DSCAM: variants seen among roughly 807,000 people sequenced by gnomAD.
DSCAM encodes cell adhesion molecule DSCAM.
In DSCAM, 47 loss-of-function variants were observed where a neutral mutation model predicts 217.7. The ratio of observed to expected loss-of-function variants is 0.22; its 90% CI spans 0.17 to 0.28. DSCAM has a LOEUF of 0.28. Ranked by LOEUF, DSCAM falls within the 10% of genes least tolerant of loss-of-function variation. The pLI is 1.00. For missense variants in DSCAM, 2,080 were observed against 2,618.3 expected (o/e 0.79, Z 4.49); for synonymous variants, 1,056 against 1,015.3 (o/e 1.04, Z -0.76).
chr21:40,279,248 T>C (rs955345192), intron 10 of DSCAM, among the ~76,000 whole-genome samples: 3 of 152,198 alleles, frequency 2.0e-5, no homozygotes, highest in African/African-American at 7.2e-5. Flanking sequence ...CTAAATCTGC[T>C]CCCTCCTTGG....
intron 10 of DSCAM, among the ~76,000 whole-genome samples, chr21:40,290,169 C>T (rs1458447422): frequency 6.6e-6 from 1 of 151,798 alleles, no homozygotes; most frequent in African/African-American, 2.4e-5. Context: ...AATCAGAGAC[C>T]CTGAAGAAGA....
intron 1 of DSCAM, among the ~76,000 whole-genome samples, chr21:40,741,867 C>G (rs575597250): frequency 5.9e-5 from 9 of 152,284 alleles, no homozygotes; most frequent in Admixed American, 5.2e-4. Flanking sequence ...CTTGTATTGA[C>G]TATTCCTATA....
rs1295232640 is a variant in DSCAM at position 40,013,026 on chromosome 21, GCTGT to G, written c.*4_*7del. On this transcript the variant is annotated 3_prime_UTR_variant, in exon 33 of 33. Transcript: ENST00000400454. ...GTATTTACAACCGCTGTCCAGTCATGCTGTCTGTTATACCAGGGTGTAAGATTTT... is the reference window on the plus strand; with the variant it reads ...GTATTTACAACCGCTGTCCAGTCATGCTGTTATACCAGGGTGTAAGATTTT... 6.9e-7 allele frequency: 1 copy of G among 1,439,616 alleles called. No homozygotes were observed. Among genetic ancestry groups the G allele is most frequent in the Non-Finnish European group, 9.2e-7 (1 of 1,091,916 alleles). The allele number at this position is 1,439,616 out of a possible 1,614,324, so 89.2% of individuals were successfully genotyped here.
At chr21:40,041,515 A>G (rs2088749076) in intron 32 of DSCAM, among the ~76,000 whole-genome samples, 1 of 152,186 alleles carries the variant, frequency 6.6e-6, no homozygotes, top group South Asian at 2.1e-4. Context: ...ACTTGCGATC[A>G]GTTGGCAGGG....
chr21:40,273,797 A>G (rs769686160), intron 11 of DSCAM, among the ~76,000 whole-genome samples: 1 of 152,094 alleles, frequency 6.6e-6, no homozygotes, highest in Non-Finnish European at 1.5e-5. Context: ...ACCTTCTTGT[A>G]TATCCTCGCA....
chr21:40,693,428 C>T (rs1175859931), intron 2 of DSCAM, among the ~76,000 whole-genome samples: 24 of 152,080 alleles, frequency 1.6e-4, no homozygotes, highest in Non-Finnish European at 7.4e-5. Flanking sequence ...AAAAAATACA[C>T]TACACTCTAT....
intron 16 of DSCAM, among the ~76,000 whole-genome samples, chr21:40,166,717 A>G (rs2090598538): frequency 6.6e-6 from 1 of 152,222 alleles, no homozygotes; most frequent in African/African-American, 2.4e-5. Context: ...ATGGGGTAGC[A>G]CTGCCCTGGG....
At chr21:40,040,397 G>T (rs1340372724) in intron 32 of DSCAM, among the ~76,000 whole-genome samples, 1 of 152,118 alleles carries the variant, frequency 6.6e-6, no homozygotes, top group Non-Finnish European at 1.5e-5. Flanking sequence ...CTTCAACCCT[G>T]TAATTATGTA....
intron 1 of DSCAM, among the ~76,000 whole-genome samples, chr21:40,709,808 ATG>A (rs2090758680): frequency 6.6e-6 from 1 of 152,220 alleles, no homozygotes; most frequent in African/African-American, 2.4e-5. Context: ...ATATGTGTGC[ATG>A]TGTCTTTATA....
At chr21:40,634,465 C>T (rs1033027617) in intron 3 of DSCAM, among the ~76,000 whole-genome samples, 1 of 152,182 alleles carries the variant, frequency 6.6e-6, no homozygotes, top group Non-Finnish European at 1.5e-5. Context: ...TGTTTGCCTA[C>T]AACACTCTTC....
chr21:40,681,489 CTT>C (rs57356615), intron 3 of DSCAM, among the ~76,000 whole-genome samples: 2,206 of 145,788 alleles, frequency 0.015, 66 homozygotes, highest in African/African-American at 0.052. Context: ...CTTAAAAATG[CTT>C]TTTTTTTTTT....
In DSCAM at chr21:40,347,897, C is replaced by T. The variant is rs775315155; in HGVS notation, c.983G>A (p.Gly328Asp). Residue 328 changes from glycine to aspartate, a missense_variant, in exon 6 of 33, where the codon GGT becomes GAT. Physicochemically the swap from Gly to Asp is moderately conservative, Grantham distance 94 (BLOSUM62 -1). Around this residue, in one of 5 missense-constraint regions of DSCAM, gnomAD observed 568 missense variants for 678.1 expected, o/e 0.84. Transcript: ENST00000400454. ...ISPRKVKSSV[G>D]SQVSLSCSVT... ...GCTGCAGGACAAGGAAACTTGGCTA[C>T]CCACGCTGCTTTTAACCTTCCTGGG... is the stretch of plus-strand genomic sequence containing the variant. The T allele has an allele frequency of 3.1e-6, 5 of 1,614,004 alleles. No individual in the cohort carries two copies. The highest frequency in any genetic ancestry group is 3.3e-5 in the Admixed American group (2 of 60,014).
intron 10 of DSCAM, among the ~76,000 whole-genome samples, chr21:40,295,326 C>T (rs996343812): frequency 1.8e-4 from 27 of 152,138 alleles, no homozygotes; most frequent in African/African-American, 5.6e-4. Context: ...GTTAAGGAGG[C>T]GTTCTGAAGA....
intron 3 of DSCAM, among the ~76,000 whole-genome samples, chr21:40,686,207 C>A (rs1568984903): frequency 7.9e-6 from 1 of 126,390 alleles, no homozygotes; most frequent in Non-Finnish European, 1.7e-5. Flanking sequence ...AGCACGTACT[C>A]CACACACACA....
At chr21:40,265,346 A>C (rs1432539230) in intron 11 of DSCAM, among the ~76,000 whole-genome samples, 1 of 152,208 alleles carries the variant, frequency 6.6e-6, no homozygotes, top group Non-Finnish European at 1.5e-5. Context: ...GAAAGAAATC[A>C]TAGATGACAA....
At chr21:40,734,144 G>T (rs1569008553) in intron 1 of DSCAM, among the ~76,000 whole-genome samples, 1 of 152,288 alleles carries the variant, frequency 6.6e-6, no homozygotes, top group East Asian at 1.9e-4. Flanking sequence ...GCGATGTGGG[G>T]TCATCTAGAA....
chr21:40,414,872 G>A (rs1033964925), intron 3 of DSCAM, among the ~76,000 whole-genome samples: 2 of 152,194 alleles, frequency 1.3e-5, no homozygotes, highest in Non-Finnish European at 2.9e-5. Flanking sequence ...ACAAAGGAAG[G>A]AAGAGCTATT....
intron 8 of DSCAM, among the ~76,000 whole-genome samples, chr21:40,314,341 C>T (rs8127860): frequency 1.3e-5 from 2 of 152,084 alleles, no homozygotes; most frequent in South Asian, 2.1e-4. Context: ...TCAAAGGTAC[C>T]GACAAGCATA....
At chr21:40,331,476 C>A (rs1033198929) in intron 8 of DSCAM, among the ~76,000 whole-genome samples, 1 of 152,314 alleles carries the variant, frequency 6.6e-6, no homozygotes, top group African/African-American at 2.4e-5. Flanking sequence ...CTTGCACCAA[C>A]AGCAATACAG....
Sources: gnomAD v4.1 joint callset for allele counts (sites outside exome capture counted in the v4.1 genomes callset) on GRCh38, gnomAD v4.1.1 for gene constraint, gnomAD v4.1.1 regional missense constraint, MANE v1.5 for transcripts, NCBI Gene and HGNC (gene_info 2026-07-23, HGNC 2026-07-21) for gene names.